GRIK3: variants seen among roughly 807,000 people sequenced by gnomAD.
The protein encoded by GRIK3 is glutamate ionotropic receptor kainate type subunit 3, also known as glutamate receptor ionotropic, kainate 3.
GRIK3 carries 29 observed loss-of-function variants against 102.5 expected under a neutral mutation model. The observed-to-expected ratio is 0.28, with a 90% CI of 0.21 to 0.39. The LOEUF (loss-of-function observed/expected upper bound fraction) is 0.39. GRIK3 is among the 10% of genes least tolerant of loss of function. The pLI is 1.00. For missense variants in GRIK3, 908 were observed against 1,252.4 expected (o/e 0.73, Z 4.15); for synonymous variants, 511 against 504.9 (o/e 1.01, Z -0.16).
chr1:36,883,547 C>T (rs566065915), intron 2 of GRIK3, among the ~76,000 whole-genome samples: 8 of 152,306 alleles, frequency 5.3e-5, no homozygotes, highest in Admixed American at 2.6e-4. Flanking sequence ...AAGAGGCCCA[C>T]GCATGTCCTA....
intron 1 of GRIK3, among the ~76,000 whole-genome samples, chr1:36,980,890 G>A (rs550578699): frequency 1.3e-4 from 20 of 152,232 alleles, no homozygotes; most frequent in Admixed American, 3.3e-4. Flanking sequence ...TACAGATGAG[G>A]AAACTAAAGC....
intron 1 of GRIK3, among the ~76,000 whole-genome samples, chr1:36,961,544 C>G (rs1557442794): frequency 1.3e-5 from 2 of 152,188 alleles, no homozygotes; most frequent in African/African-American, 2.4e-5. Flanking sequence ...CCACCGGGCC[C>G]CAGGCACAGC....
rs1322252821 is a variant in GRIK3, at chr1:36,891,067, T to C, written c.145A>G (p.Asn49Asp). ...TCCTCGGCATTCATGACCTGGGCGTTGGGGCCGTCCGCATACTCGAAGATT... is the reference window on the plus strand; with the variant it reads ...TCCTCGGCATTCATGACCTGGGCGTCGGGGCCGTCCGCATACTCGAAGATT... ...GGIFEYADGP[N>D]AQVMNAEEHA... Residue 49 changes from asparagine (N) to aspartate (D), a missense_variant, in exon 2 of 16, where the codon AAC becomes GAC. Physicochemically the swap from Asn to Asp is conservative, Grantham distance 23. Transcript: ENST00000373091. The C allele has an allele frequency of 6.2e-7, 1 of 1,613,732 alleles. No individual in the cohort carries two copies. Among genetic ancestry groups the C allele is most frequent in the Admixed American group, 1.7e-5 (1 of 60,002 alleles).
chr1:36,845,453 C>T (rs961757111), intron 9 of GRIK3, among the ~76,000 whole-genome samples: 6 of 152,216 alleles, frequency 3.9e-5, no homozygotes, highest in Non-Finnish European at 8.8e-5. Flanking sequence ...CTTACCCCAG[C>T]GTGCAAGCCA....
chr1:36,950,638 G>A (rs545346144), intron 1 of GRIK3, among the ~76,000 whole-genome samples: 1 of 152,356 alleles, frequency 6.6e-6, no homozygotes, highest in East Asian at 1.9e-4. Context: ...CACAGAGACT[G>A]TGGCCCAATT....
At chr1:36,988,131 A>C (rs1026489927) in intron 1 of GRIK3, among the ~76,000 whole-genome samples, 7 of 152,154 alleles carry the variant, frequency 4.6e-5, no homozygotes, top group Admixed American at 2.0e-4. Flanking sequence ...TCTCTACCAA[A>C]AACACAAAAA....
intron 1 of GRIK3, among the ~76,000 whole-genome samples, chr1:37,030,435 G>T (rs747917695): frequency 6.6e-6 from 1 of 152,048 alleles, no homozygotes; most frequent in Non-Finnish European, 1.5e-5. Context: ...GTTGCCTGCT[G>T]GGCCCCTGTA....
intron 9 of GRIK3, among the ~76,000 whole-genome samples, chr1:36,844,119 C>A (rs536828842): frequency 6.6e-6 from 1 of 152,350 alleles, no homozygotes; most frequent in Admixed American, 6.5e-5. Flanking sequence ...TCCCATCCTG[C>A]CCCATGCTTG....
chr1:36,964,736 A>T (rs955556574), intron 1 of GRIK3, among the ~76,000 whole-genome samples: 1 of 152,146 alleles, frequency 6.6e-6, no homozygotes, highest in Non-Finnish European at 1.5e-5. Context: ...CACCCCTGCC[A>T]AGACACCCCA....
intron 5 of GRIK3, among the ~76,000 whole-genome samples, chr1:36,861,475 T>C (rs1257576565): frequency 6.6e-6 from 1 of 152,144 alleles, no homozygotes; most frequent in African/African-American, 2.4e-5. Flanking sequence ...GGGGACACAC[T>C]TGGGGTGTGC....
chr1:36,935,907 C>T (rs755821158), intron 1 of GRIK3, among the ~76,000 whole-genome samples: 7 of 152,142 alleles, frequency 4.6e-5, no homozygotes, highest in Non-Finnish European at 8.8e-5. Flanking sequence ...CTTGCCGCCC[C>T]GACTCCCTCA....
intron 1 of GRIK3, among the ~76,000 whole-genome samples, chr1:36,912,541 G>A (rs775813707): frequency 1.3e-4 from 20 of 151,888 alleles, no homozygotes; most frequent in Non-Finnish European, 2.5e-4. Context: ...TCCTGGAGCC[G>A]CCTCCCAGAT....
intron 15 of GRIK3, among the ~76,000 whole-genome samples, chr1:36,802,985 A>G (rs994670198): frequency 2.6e-5 from 4 of 152,162 alleles, no homozygotes; most frequent in Non-Finnish European, 4.4e-5. Flanking sequence ...GGTGTTAGGC[A>G]TGCAGCAGTG....
chr1:36,926,144 G>A (rs966477318), intron 1 of GRIK3, among the ~76,000 whole-genome samples: 1 of 152,102 alleles, frequency 6.6e-6, no homozygotes, highest in Non-Finnish European at 1.5e-5. Context: ...GAATTCTTAG[G>A]GCCCTGCTTC....
intron 1 of GRIK3, among the ~76,000 whole-genome samples, chr1:36,916,851 G>C (rs1346865911): frequency 6.6e-6 from 1 of 152,210 alleles, no homozygotes; most frequent in Non-Finnish European, 1.5e-5. Context: ...GAAATGTGGG[G>C]TTGGAGCCCC....
In GRIK3 at chr1:36,899,425, G is replaced by C. The variant is rs372187983; in HGVS notation, c.116-8329C>G. 8.6e-4 allele frequency among the ~76,000 whole-genome samples: 131 copies of C among 152,186 alleles called. 1 individual carries two copies. Among genetic ancestry groups the C allele is most frequent in the African/African-American group, 3.2e-3 (131 of 41,544 alleles). On this transcript the variant is annotated intron_variant, in intron 1 of 15. Transcript: ENST00000373091. The stretch of plus-strand genomic sequence containing the variant: ...AAGTGAAATAAGCCAGTCACAAAAA[G>C]ACAAATACTGTATGATTCCACTTAT...
intron 10 of GRIK3, among the ~76,000 whole-genome samples, chr1:36,831,319 G>C (rs1052011970): frequency 6.6e-6 from 1 of 152,210 alleles, no homozygotes; most frequent in Admixed American, 6.5e-5. Context: ...TGCAGCTGCA[G>C]AAAGCTGCTG....
intron 1 of GRIK3, among the ~76,000 whole-genome samples, chr1:36,943,783 A>G (rs1244874214): frequency 6.6e-6 from 1 of 152,236 alleles, no homozygotes; most frequent in Non-Finnish European, 1.5e-5. Context: ...TAGGATGAGC[A>G]AGGCACATGT....
intron 1 of GRIK3, among the ~76,000 whole-genome samples, chr1:36,934,404 C>T (rs977309603): frequency 6.6e-6 from 1 of 152,196 alleles, no homozygotes; most frequent in Non-Finnish European, 1.5e-5. Context: ...GTTCCTTCTG[C>T]CCTAGTCATG....
Sources: gnomAD v4.1 joint callset for allele counts (sites outside exome capture counted in the v4.1 genomes callset) on GRCh38, gnomAD v4.1.1 for gene constraint, MANE v1.5 for transcripts, NCBI Gene and HGNC (gene_info 2026-07-23, HGNC 2026-07-21) for gene names.